Variants in WNT7B observed in about 807,000 individuals in gnomAD.
WNT7B encodes the protein protein Wnt-7b.
A neutral mutation model predicts 38.2 loss-of-function variants in WNT7B; 19 were observed. The ratio of observed to expected loss-of-function variants is 0.50; its 90% CI spans 0.35 to 0.73. WNT7B has a LOEUF of 0.73. WNT7B is among the 30% of genes least tolerant of loss of function. The pLI is 0.01. For synonymous variants in WNT7B, 243 were observed against 209.3 expected, an observed-to-expected ratio of 1.16 and a Z score of -1.39; for missense variants, 423 against 507.9, an observed-to-expected ratio of 0.83 and a Z score of 1.61.
chr22:45,955,002 T>C (rs950659740), intron 1 of WNT7B, among the ~76,000 whole-genome samples: 3 of 152,222 alleles, frequency 2.0e-5, no homozygotes, highest in Admixed American at 2.0e-4. Flanking sequence ...GAGTGCCACA[T>C]AGTAAGTGTG....
chr22:45,943,917 T>G (rs1003718661), intron 2 of WNT7B, among the ~76,000 whole-genome samples: 1 of 152,148 alleles, frequency 6.6e-6, no homozygotes, highest in South Asian at 2.1e-4. Context: ...CCGGGGTCTG[T>G]GTCCTGCCTC....
chr22:45,936,690 A>G (rs1931521976), intron 2 of WNT7B, among the ~76,000 whole-genome samples: 1 of 152,240 alleles, frequency 6.6e-6, no homozygotes, highest in Admixed American at 6.5e-5. Flanking sequence ...TGCCAGCCAG[A>G]CCCTGATGTC....
chr22:45,930,859 G>T (rs1336751841), intron 3 of WNT7B, among the ~76,000 whole-genome samples: 1 of 152,206 alleles, frequency 6.6e-6, no homozygotes, highest in Non-Finnish European at 1.5e-5. Flanking sequence ...TTCCCTGGGG[G>T]CCGTGAGCAT....
Position 45,922,321 on chromosome 22 carries a change from T to C in WNT7B, c.*535A>G. 1 of 155,996 alleles carries C rather than the reference T, an allele frequency of 6.4e-6. No homozygotes were observed. Among genetic ancestry groups the C allele is most frequent in the East Asian group, 1.9e-4 (1 of 5,308 alleles). The allele number at this position is 155,996 out of a possible 1,614,324, so 9.7% of individuals were successfully genotyped here. ...CAGAGTACGGAGTTAGGACTGGCTA[T>C]GTGTTAGTGCCGAGAATCCTCTTCT... On this transcript the variant is annotated 3_prime_UTR_variant, in exon 4 of 4. Coordinates refer to ENST00000339464, the MANE Select transcript of WNT7B (RefSeq NM_058238.3).
chr22:45,952,956 T>C lies in WNT7B; in HGVS notation c.72-2810A>G, dbSNP rs115661709. 7.9e-3 allele frequency among the ~76,000 whole-genome samples: 1,210 copies of C among 152,342 alleles called. 17 individuals are homozygous for C. Among genetic ancestry groups the C allele is most frequent in the African/African-American group, 0.027 (1,112 of 41,584 alleles). On this transcript the variant is annotated intron_variant, in intron 1 of 3. Coordinates refer to ENST00000339464, the MANE Select transcript of WNT7B (RefSeq NM_058238.3). Reference sequence around the variant, plus strand: ...CAGCTGTGTCTGCTGGTCCCTCCCCTGGCTGCTGCCCCTTCTCCGTTTTTC... The same window carrying C: ...CAGCTGTGTCTGCTGGTCCCTCCCCCGGCTGCTGCCCCTTCTCCGTTTTTC...
chr22:45,926,206 C>T (rs887855571), intron 3 of WNT7B: 125 of 985,324 alleles, frequency 1.3e-4, no homozygotes, highest in Non-Finnish European at 1.4e-4. Flanking sequence ...GTGCCGTTTC[C>T]TTCTCCAGTG....
chr22:45,932,037 C>T (rs1931379835), intron 2 of WNT7B, among the ~76,000 whole-genome samples: 1 of 152,190 alleles, frequency 6.6e-6, no homozygotes, highest in Non-Finnish European at 1.5e-5. Flanking sequence ...ATACCCCTGC[C>T]TGACCCAGGG....
At chr22:45,972,158 T>C (rs963652259) in intron 1 of WNT7B, 1 of 422,434 alleles carries the variant, frequency 2.4e-6, no homozygotes, top group Non-Finnish European at 4.5e-6. Context: ...CACTCACAAG[T>C]AGCTGCCGCT....
At chr22:45,939,059 C>T (rs763239212) in intron 2 of WNT7B, among the ~76,000 whole-genome samples, 3 of 152,178 alleles carry the variant, frequency 2.0e-5, no homozygotes, top group Non-Finnish European at 4.4e-5. Flanking sequence ...CAGTGAGATG[C>T]CACTTCACAC....
In WNT7B at chr22:45,922,832, C is replaced by T. The variant is rs372846592; in HGVS notation, c.*24G>A. Reference sequence around the variant, plus strand: ...AAAATGCCGCCGGGTTCCAGGGTGCCCGCGGCCGCCTCCGGGCCTGGCCTC... The same window carrying T: ...AAAATGCCGCCGGGTTCCAGGGTGCTCGCGGCCGCCTCCGGGCCTGGCCTC... On this transcript the variant is annotated 3_prime_UTR_variant, in exon 4 of 4. Transcript: ENST00000339464. 8 of 1,574,086 alleles carry T rather than the reference C, an allele frequency of 5.1e-6. No homozygotes were observed. In the African/African-American group the frequency reaches 9.4e-5, roughly 19 times the overall value.
intron 3 of WNT7B, among the ~76,000 whole-genome samples, chr22:45,927,828 A>G (rs942555108): frequency 1.3e-5 from 2 of 152,188 alleles, no homozygotes; most frequent in African/African-American, 4.8e-5. Context: ...CCCGGAAGGC[A>G]GAGGTTGCGG....
chr22:45,926,675 C>T (rs1054265806), intron 3 of WNT7B: 2 of 983,636 alleles, frequency 2.0e-6, no homozygotes, highest in Non-Finnish European at 2.4e-6. Flanking sequence ...CACAGCACCT[C>T]CCATGCTGGC....
chr22:45,926,632 C>T (rs1453054919), intron 3 of WNT7B: 21 of 985,256 alleles, frequency 2.1e-5, no homozygotes, highest in South Asian at 4.7e-5. Flanking sequence ...CCATGGCCTG[C>T]GGCTGTGGAA....
At chr22:45,943,398 G>A (rs1931716044) in intron 2 of WNT7B, among the ~76,000 whole-genome samples, 1 of 152,266 alleles carries the variant, frequency 6.6e-6, no homozygotes, top group Admixed American at 6.5e-5. Flanking sequence ...CACACGCCAA[G>A]CGGCAGGCCC....
At chr22:45,970,829 G>C (rs537677925) in intron 1 of WNT7B, among the ~76,000 whole-genome samples, 1 of 152,222 alleles carries the variant, frequency 6.6e-6, no homozygotes, top group Non-Finnish European at 1.5e-5. Flanking sequence ...TTATCAGCCT[G>C]GGTCCCCACT....
At chr22:45,962,885 G>C (rs573602625) in intron 1 of WNT7B, among the ~76,000 whole-genome samples, 99 of 152,362 alleles carry the variant, frequency 6.5e-4, no homozygotes, top group Middle Eastern at 3.4e-3. Context: ...GGTGGAACAC[G>C]TTGGAGAGAG....
chr22:45,963,179 C>A (rs1262923062), intron 1 of WNT7B, among the ~76,000 whole-genome samples: 1 of 152,196 alleles, frequency 6.6e-6, no homozygotes, highest in Admixed American at 6.5e-5. Flanking sequence ...CAGAGCCAGG[C>A]CAGCCCCACA....
At chr22:45,961,511 C>A (rs1214531723) in intron 1 of WNT7B, among the ~76,000 whole-genome samples, 1 of 152,088 alleles carries the variant, frequency 6.6e-6, no homozygotes, top group Non-Finnish European at 1.5e-5. Context: ...TCCTTGCCAG[C>A]CTGACCTTAC....
At chr22:45,946,339 C>T (rs759871702) in intron 2 of WNT7B, among the ~76,000 whole-genome samples, 12 of 152,202 alleles carry the variant, frequency 7.9e-5, no homozygotes, top group African/African-American at 1.4e-4. Flanking sequence ...CTGGGTCACC[C>T]CCTCCGGGAA....
Sources: allele counts gnomAD v4.1 joint callset (sites outside exome capture counted in the v4.1 genomes callset), GRCh38; gene constraint gnomAD v4.1.1; transcripts MANE v1.5; gene names NCBI Gene and HGNC (gene_info 2026-07-23, HGNC 2026-07-21).